Variants in COPS7A observed in about 807,000 individuals in gnomAD.
COPS7A encodes the protein COP9 signalosome complex subunit 7a.
In COPS7A, 20 loss-of-function variants were observed where a neutral mutation model predicts 35.2. That is an observed-to-expected ratio of 0.57 (90% confidence interval 0.40 to 0.83). The LOEUF (loss-of-function observed/expected upper bound fraction) is 0.83. Among genes scored for constraint, COPS7A ranks in the 40% least tolerant of loss-of-function variants. COPS7A has a pLI of 0.00. For missense variants in COPS7A, 247 were observed against 347.5 expected (o/e 0.71, Z 2.30); for synonymous variants, 139 against 141.4 (o/e 0.98, Z 0.12).
rs765764943 is a variant in COPS7A, at chr12:6,729,676, G to C, written c.530+227G>C. On this transcript the variant is annotated intron_variant, in intron 5 of 7. Transcript: ENST00000543155. This position sits in a 1 kb window ranked among gnomAD's most constrained non-coding sequence, Gnocchi z 4.2. ...ATATAGTAGTTGGGGGAGGAAAAGG[G>C]AGTGGTATACTTAAGGGGATCCTAA... Among the ~76,000 whole-genome samples, 7 of 152,288 alleles carry C rather than the reference G, an allele frequency of 4.6e-5. No homozygotes were observed. Among genetic ancestry groups the C allele is most frequent in the Non-Finnish European group, 1.0e-4 (7 of 68,030 alleles).
Position 6,724,768 on chromosome 12 carries a change from C to A in COPS7A, c.112C>A (p.Pro38Thr). 6.2e-7 allele frequency: 1 copy of A among 1,614,118 alleles called. No homozygotes were observed. Among genetic ancestry groups the A allele is most frequent in the Non-Finnish European group, 8.5e-7 (1 of 1,180,028 alleles). Residue 38 changes from proline to threonine, a missense_variant, in exon 2 of 8, where the codon CCT (proline) becomes ACT (threonine). Transcript: ENST00000543155. ...ATLIHQVLEAPGVYVFGELLD... is the reference protein window; with the variant it reads ...ATLIHQVLEATGVYVFGELLD... ...ACTCATCCATCAGGTGCTGGAGGCCCCTGGTGTCTACGTGTTTGGAGAACT... is the reference window on the plus strand; with the variant it reads ...ACTCATCCATCAGGTGCTGGAGGCCACTGGTGTCTACGTGTTTGGAGAACT...
At chr12:6,725,927 A>G (rs1941241691) in intron 2 of COPS7A, 3 of 455,608 alleles carry the variant, frequency 6.6e-6, no homozygotes, top group Middle Eastern at 3.2e-4. Context: ...GCGGTGGCTC[A>G]TGCCTGTAAT....
chr12:6,725,756 T>C (rs1941237353), intron 2 of COPS7A: 2 of 455,812 alleles, frequency 4.4e-6, no homozygotes, highest in Admixed American at 4.7e-5. Context: ...ATGCTGACAG[T>C]GGTATGTGGG....
intron 2 of COPS7A, among the ~76,000 whole-genome samples, chr12:6,726,804 C>T (rs753244631): frequency 6.6e-6 from 1 of 152,026 alleles, no homozygotes; most frequent in Non-Finnish European, 1.5e-5. Flanking sequence ...CTCTTTACTA[C>T]CCTTCTTATG....
chr12:6,730,206 G>A (rs3782733), intron 5 of COPS7A, among the ~76,000 whole-genome samples, 196 bp from the exon 6 acceptor site: 2 of 152,228 alleles, frequency 1.3e-5, no homozygotes, highest in East Asian at 1.9e-4. Flanking sequence ...TTGTAGAGAC[G>A]GATTTTTGCC....
rs1592470724 is a variant in COPS7A at position 6,728,509 on chromosome 12, A to G, written c.327+198A>G. On this transcript the variant is annotated intron_variant, in intron 4 of 7. Coordinates refer to ENST00000543155, the MANE Select transcript of COPS7A (RefSeq NM_001164094.2). Reference sequence around the variant, plus strand: ...CTGTGTTGTTTTTATTTTTTAATCAACTTAAGTTCTAAATAAACATCTTCT... The same window carrying G: ...CTGTGTTGTTTTTATTTTTTAATCAGCTTAAGTTCTAAATAAACATCTTCT... 3.9e-5 allele frequency among the ~76,000 whole-genome samples: 6 copies of G among 152,296 alleles called. No individual in the cohort carries two copies. In the South Asian group the frequency reaches 1.2e-3, roughly 32 times the overall value.
intron 1 of COPS7A, 115 bp downstream of exon 1, chr12:6,724,294 C>A: frequency 2.5e-6 from 1 of 399,628 alleles, no homozygotes; most frequent in South Asian, 1.8e-5. Flanking sequence ...TGGGCGCGTG[C>A]GGGGCAGCAA....
chr12:6,724,645 C>T lies in COPS7A; in HGVS notation c.-12C>T. 1 of 1,614,072 alleles carries T rather than the reference C, an allele frequency of 6.2e-7. No homozygotes were observed. ...ACATCCTGAGCCCAAGTCCCCCACA[C>T]TCAGTGCAGTGATGAGTGCGGAAGT... On this transcript the variant is annotated 5_prime_UTR_variant, in exon 2 of 8. Coordinates refer to ENST00000543155, the MANE Select transcript of COPS7A (RefSeq NM_001164094.2).
chr12:6,727,720 A>G (rs1328004095), intron 2 of COPS7A: 2 of 680,894 alleles, frequency 2.9e-6, no homozygotes, highest in Non-Finnish European at 5.4e-6. Context: ...GGTTTGGGAG[A>G]ATAGTGTAAA....
intron 2 of COPS7A, chr12:6,727,668 T>C (rs1245646226): frequency 3.2e-6 from 2 of 618,492 alleles, no homozygotes; most frequent in African/African-American, 3.6e-5. Flanking sequence ...ACTCTGAATT[T>C]AGGGTAGGAA....
Position 6,729,603 on chromosome 12 carries a change from T to A in COPS7A, c.530+154T>A, listed in dbSNP as rs531759149. On this transcript the variant is annotated intron_variant, in intron 5 of 7. Coordinates refer to ENST00000543155, the MANE Select transcript of COPS7A (RefSeq NM_001164094.2). This position sits in a 1 kb window ranked among gnomAD's most constrained non-coding sequence, Gnocchi z 4.2. ...CATCCCTCCAAAGGCTTCTGGGGAA[T>A]GCAGGAGTAGGGGAGGCCCTGGGAG... is the stretch of plus-strand genomic sequence containing the variant. Among the ~76,000 whole-genome samples the A allele has an allele frequency of 6.6e-6, 1 of 152,134 alleles. No individual in the cohort carries two copies. The highest frequency in any genetic ancestry group is 1.5e-5 in the Non-Finnish European group (1 of 68,010).
intron 2 of COPS7A, 136 bp downstream of exon 2, chr12:6,724,954 T>C: frequency 2.2e-6 from 2 of 925,702 alleles, no homozygotes; most frequent in Non-Finnish European, 3.3e-6. Flanking sequence ...AATGCCAACT[T>C]GCAGAAGTAA....
rs888767407 is a variant in COPS7A at position 6,728,311 on chromosome 12, G to T, written c.327G>T (p.Lys109Asn). The change falls in exon 4 of 8, where the codon AAG (lysine) becomes AAT (asparagine). Residue 109 changes from lysine (K) to asparagine (N), a missense_variant and splice_region_variant. Lys to Asn is a moderately conservative substitution (Grantham distance 94, BLOSUM62 0). Transcript: ENST00000543155. ...LSVVTLAAKV[K>N]CIPYAVLLEA... Reference sequence around the variant, plus strand: ...TTGTCACCCTGGCTGCTAAAGTAAAGGTGAGTGGCAGTCCCCCAGTCCTAC... The same window carrying T: ...TTGTCACCCTGGCTGCTAAAGTAAATGTGAGTGGCAGTCCCCCAGTCCTAC... 2 of 1,613,374 alleles carry T rather than the reference G, an allele frequency of 1.2e-6. No homozygotes were observed. Among genetic ancestry groups the T allele is most frequent in the East Asian group, 2.2e-5 (1 of 44,872 alleles).
At chr12:6,724,309 G>A (rs1464563985) in intron 1 of COPS7A, 130 bp downstream of exon 1, 3 of 418,302 alleles carry the variant, frequency 7.2e-6, no homozygotes, top group South Asian at 5.3e-5. Context: ...CAGCAATGGA[G>A]AGCTGAGGGA....
intron 1 of COPS7A, 56 bp from the exon 2 acceptor site, chr12:6,724,558 C>T (rs1209931781): frequency 2.1e-6 from 3 of 1,445,174 alleles, no homozygotes; most frequent in Non-Finnish European, 2.9e-6. Flanking sequence ...CAGCCTTGTG[C>T]TTCCCATCCG....
chr12:6,725,118 C>CTTGATCAG (rs1941217643), intron 2 of COPS7A, among the ~76,000 whole-genome samples: 2 of 151,500 alleles, frequency 1.3e-5, no homozygotes, highest in South Asian at 4.2e-4. Context: ...CTCATGTCAC[C>CTTGATCAG]TTGATCAGGT....
Position 6,724,746 on chromosome 12 carries a change from C to T in COPS7A, c.90C>T (p.Leu30=), listed in dbSNP as rs764481817. Reference sequence around the variant, plus strand: ...CCAAGGGGGCAGCGCTGGCCACACTCATCCATCAGGTGCTGGAGGCCCCTG... The same window carrying T: ...CCAAGGGGGCAGCGCTGGCCACACTTATCCATCAGGTGCTGGAGGCCCCTG... ...KSAKGAALAT[L]IHQVLEAPGV... is the part of the protein sequence containing the mutation. Residue 30 remains leucine, a synonymous_variant, in exon 2 of 8, where the codon CTC becomes CTT. Transcript: ENST00000543155. The T allele has an allele frequency of 1.9e-6, 3 of 1,614,050 alleles. No homozygotes were observed. Among genetic ancestry groups the T allele is most frequent in the African/African-American group, 1.3e-5 (1 of 74,918 alleles).
intron 5 of COPS7A, among the ~76,000 whole-genome samples, chr12:6,730,029 G>A (rs1941353083): frequency 6.6e-6 from 1 of 152,102 alleles, no homozygotes; most frequent in African/African-American, 2.4e-5. Context: ...GACTCAAAAT[G>A]CCAGAAGCTG....
intron 3 of COPS7A, 36 bp from the exon 4 acceptor site, chr12:6,728,187 A>T (rs1372284744): frequency 6.3e-7 from 1 of 1,599,992 alleles, no homozygotes; most frequent in African/African-American, 1.3e-5. Flanking sequence ...AGAAAACTGA[A>T]ATCAGGATTC....
Sources: gnomAD v4.1 joint callset for allele counts (sites outside exome capture counted in the v4.1 genomes callset) on GRCh38, gnomAD v4.1.1 for gene constraint, Gnocchi (gnomAD v3.1) non-coding constraint, MANE v1.5 for transcripts, NCBI Gene and HGNC (gene_info 2026-07-23, HGNC 2026-07-21) for gene names.